The following NME7 variants were observed in gnomAD, a reference collection of about 807,000 sequenced individuals.
NME7 encodes nucleoside diphosphate kinase 7.
In NME7, 41 loss-of-function variants were observed where a neutral mutation model predicts 49.1. That is an observed-to-expected ratio of 0.83 (90% confidence interval 0.65 to 1.08). NME7 has a LOEUF of 1.08. NME7 is among the 50% of genes least tolerant of loss of function. The probability of loss-of-function intolerance (pLI) is 0.00; values close to 1 mark genes in which losing one functional copy is unlikely to be tolerated. For missense variants in NME7, 423 were observed against 463.4 expected, an observed-to-expected ratio of 0.91 and a Z score of 0.80; for synonymous variants, 139 against 150.6, an observed-to-expected ratio of 0.92 and a Z score of 0.56.
In NME7 at chr1:169,213,299, C is replaced by T. The variant is rs112303493; in HGVS notation, c.990+17419G>A. ...CCTAGGAACAATAGTTCAGTATTCA[C>T]CAAGTCAGTGTTCATGGTAACTTTA... On this transcript the variant is annotated intron_variant, in intron 10 of 11. Coordinates refer to ENST00000367811, the MANE Select transcript of NME7 (RefSeq NM_013330.5). Among the ~76,000 whole-genome samples the T allele has an allele frequency of 7.6e-3, 1,153 of 152,130 alleles. 8 individuals are homozygous for T. The highest frequency in any genetic ancestry group is 0.019 in the Admixed American group (284 of 15,282).
At chr1:169,327,205 A>T (rs967889230) in intron 1 of NME7, among the ~76,000 whole-genome samples, 2 of 152,216 alleles carry the variant, frequency 1.3e-5, no homozygotes, top group African/African-American at 4.8e-5. Context: ...AGATGCTCTG[A>T]TGAGAATGCC....
At chr1:169,197,714 A>G (rs892011498) in intron 10 of NME7, among the ~76,000 whole-genome samples, 2 of 152,172 alleles carry the variant, frequency 1.3e-5, no homozygotes, top group African/African-American at 4.8e-5. Flanking sequence ...AATTCACTCA[A>G]AATGAATAAA....
At chr1:169,167,516 A>G (rs538363581) in intron 11 of NME7, among the ~76,000 whole-genome samples, 5 of 152,142 alleles carry the variant, frequency 3.3e-5, no homozygotes, top group Non-Finnish European at 7.4e-5. Flanking sequence ...AAAATCTATA[A>G]GAAGTTAAAA....
intron 1 of NME7, among the ~76,000 whole-genome samples, chr1:169,355,153 TATATTATAGATATAATATATAATATAC>T (rs1653379955): frequency 3.3e-4 from 13 of 39,946 alleles, no homozygotes; most frequent in Admixed American, 1.1e-3. Context: ...TAATATACTA[TATATTATAGATATAATATATAATATAC>T]TATATATTAT....
intron 7 of NME7, among the ~76,000 whole-genome samples, chr1:169,282,162 C>T (rs536842656): frequency 6.6e-6 from 1 of 152,148 alleles, no homozygotes; most frequent in Non-Finnish European, 1.5e-5. Context: ...CTACTTCTTC[C>T]TGGCTTAGAC....
chr1:169,237,002 T>C (rs937769445), intron 8 of NME7, among the ~76,000 whole-genome samples: 2 of 152,126 alleles, frequency 1.3e-5, no homozygotes, highest in Admixed American at 6.6e-5. Context: ...AATGTACCGA[T>C]GAGTACAGCA....
At chr1:169,241,480 A>C (rs1176355625) in intron 7 of NME7, among the ~76,000 whole-genome samples, 1 of 152,058 alleles carries the variant, frequency 6.6e-6, no homozygotes, top group Admixed American at 6.6e-5. Flanking sequence ...TATTAACCCT[A>C]ATCTAAATAT....
chr1:169,300,620 A>G lies in NME7; in HGVS notation c.441-1857T>C, dbSNP rs1216684029. Reference sequence around the variant, plus strand: ...CAAGGAACAAAATATATATCAAACTAGTTAAAATAGAAAGGTTCCATGAAC... The same window carrying G: ...CAAGGAACAAAATATATATCAAACTGGTTAAAATAGAAAGGTTCCATGAAC... On this transcript the variant is annotated intron_variant, in intron 5 of 11. Transcript: ENST00000367811. Among the ~76,000 whole-genome samples, 12 of 152,296 alleles carry G rather than the reference A, an allele frequency of 7.9e-5. No individual in the cohort carries two copies. In the East Asian group the frequency reaches 1.7e-3, roughly 22 times the overall value.
chr1:169,351,172 C>T (rs1440415285), intron 1 of NME7, among the ~76,000 whole-genome samples: 1 of 151,754 alleles, frequency 6.6e-6, no homozygotes, highest in African/African-American at 2.4e-5. Flanking sequence ...ATTTTTATAC[C>T]TTTTTTTAAA....
chr1:169,239,121 A>G (rs1647981215), intron 7 of NME7, among the ~76,000 whole-genome samples: 1 of 152,068 alleles, frequency 6.6e-6, no homozygotes, highest in Non-Finnish European at 1.5e-5. Flanking sequence ...GAGAAAATAC[A>G]AAACTAAAGT....
intron 11 of NME7, among the ~76,000 whole-genome samples, chr1:169,154,979 T>G (rs182108810): frequency 2.0e-5 from 3 of 150,516 alleles, no homozygotes; most frequent in Admixed American, 6.6e-5. Flanking sequence ...TTTAAAAAAA[T>G]TTTTTTTTAA....
At chr1:169,364,105 C>A (rs1173042951) in intron 1 of NME7, among the ~76,000 whole-genome samples, 1 of 152,180 alleles carries the variant, frequency 6.6e-6, no homozygotes, top group African/African-American at 2.4e-5. Context: ...ACTTTGTATT[C>A]TCTCAGACCA....
chr1:169,260,984 CA>C (rs1649141631), intron 7 of NME7, among the ~76,000 whole-genome samples: 1 of 131,948 alleles, frequency 7.6e-6, no homozygotes, highest in East Asian at 2.0e-4. Flanking sequence ...ACTGGGTCAA[CA>C]AATGAATATT....
chr1:169,311,194 G>A (rs1294971113), intron 3 of NME7, among the ~76,000 whole-genome samples: 2 of 151,916 alleles, frequency 1.3e-5, no homozygotes, highest in East Asian at 3.9e-4. Flanking sequence ...CGAGGCAGGC[G>A]GATCAAGAGG....
At chr1:169,332,192 A>C (rs1279575080) in intron 1 of NME7, among the ~76,000 whole-genome samples, 7 of 152,160 alleles carry the variant, frequency 4.6e-5, no homozygotes, top group African/African-American at 1.7e-4. Flanking sequence ...CATTTTCAAC[A>C]AAAGTGCAAA....
intron 11 of NME7, among the ~76,000 whole-genome samples, chr1:169,148,922 G>GT (rs1337130592): frequency 2.6e-5 from 4 of 152,146 alleles, no homozygotes; most frequent in African/African-American, 4.8e-5. Flanking sequence ...TCTTTTCTCA[G>GT]TTTTCTCTTT....
chr1:169,169,323 T>A, intron 11 of NME7, 124 bp downstream of exon 11: 1 of 790,044 alleles, frequency 1.3e-6, no homozygotes, highest in South Asian at 1.7e-5. Context: ...AACTGCACTC[T>A]CTGCACATGT....
intron 7 of NME7, among the ~76,000 whole-genome samples, chr1:169,278,088 A>T (rs1173913611): frequency 1.3e-5 from 2 of 151,534 alleles, no homozygotes; most frequent in African/African-American, 4.8e-5. Flanking sequence ...CTTTGTGGGT[A>T]ACCCGACCTT....
chr1:169,178,003 A>AT (rs377096766), intron 10 of NME7, among the ~76,000 whole-genome samples: 2,214 of 151,152 alleles, frequency 0.015, 63 homozygotes, highest in African/African-American at 0.05. Context: ...CACCCAGCTA[A>AT]TTTTTTTTTG....
Sources: gnomAD v4.1 joint callset for allele counts (sites outside exome capture counted in the v4.1 genomes callset) on GRCh38, gnomAD v4.1.1 for gene constraint, MANE v1.5 for transcripts, NCBI Gene and HGNC (gene_info 2026-07-23, HGNC 2026-07-21) for gene names.